The following DDX46 variants were observed in gnomAD, a reference collection of about 807,000 sequenced individuals.
The protein encoded by DDX46 is probable ATP-dependent RNA helicase DDX46.
Under a neutral mutation model 134.9 loss-of-function variants are expected in DDX46, and 30 were observed. The observed-to-expected ratio is 0.22, with a 90% CI of 0.17 to 0.30. The LOEUF is 0.30. DDX46 is among the 10% of genes least tolerant of loss of function. DDX46 has a pLI of 1.00. For missense variants in DDX46, 622 were observed against 1,248.7 expected (o/e 0.50, Z 7.56); for synonymous variants, 415 against 404.1 (o/e 1.03, Z -0.32).
intron 8 of DDX46, 101 bp downstream of exon 8, chr5:134,782,187 G>A (rs1754175224): frequency 8.2e-7 from 1 of 1,218,366 alleles, no homozygotes; most frequent in African/African-American, 1.6e-5. Flanking sequence ...GAAGGAGGGT[G>A]TTTTGGAAAT....
chr5:134,806,371 T>G (rs188635479), intron 15 of DDX46, among the ~76,000 whole-genome samples: 1 of 152,288 alleles, frequency 6.6e-6, no homozygotes, highest in East Asian at 1.9e-4. Flanking sequence ...TTGGGGTTAT[T>G]TTAAAAAGGA....
At chr5:134,790,579 T>G in intron 13 of DDX46, 27 bp downstream of exon 13, 1 of 1,576,204 alleles carries the variant, frequency 6.3e-7, no homozygotes, top group Non-Finnish European at 8.7e-7. Context: ...TTAAGTGTTT[T>G]GAAATGTAAA....
intron 4 of DDX46, among the ~76,000 whole-genome samples, chr5:134,771,942 G>A (rs1348486886): frequency 1.3e-5 from 2 of 151,944 alleles, no homozygotes; most frequent in African/African-American, 2.4e-5. Flanking sequence ...TATAAATTTC[G>A]ACTTAAGGCT....
In DDX46 at chr5:134,794,830, T is replaced by C. The variant is rs1415812878; in HGVS notation, c.1627-20T>C. On this transcript the variant is annotated intron_variant, in intron 13 of 22. Coordinates refer to ENST00000452510, the MANE Select transcript of DDX46 (RefSeq NM_001300860.2). ...AGACCATATTTACCATATTTATTTG[T>C]AATGTTTTCTTTTTCTCAGGTCATG... The C allele has an allele frequency of 6.2e-7, 1 of 1,612,302 alleles. No individual in the cohort carries two copies. The highest frequency in any genetic ancestry group is 8.5e-7 in the Non-Finnish European group (1 of 1,179,276).
chr5:134,768,902 T>TA (rs1753667851), intron 3 of DDX46, among the ~76,000 whole-genome samples: 2 of 151,914 alleles, frequency 1.3e-5, no homozygotes, highest in South Asian at 4.2e-4. Flanking sequence ...TTACTAAAAG[T>TA]AAAAAATTAG....
intron 16 of DDX46, among the ~76,000 whole-genome samples, chr5:134,810,321 T>G (rs932890070): frequency 6.6e-6 from 1 of 151,718 alleles, no homozygotes; most frequent in African/African-American, 2.4e-5. Context: ...AATTGTGCAT[T>G]TGTGTAAAAT....
intron 1 of DDX46, among the ~76,000 whole-genome samples, chr5:134,759,545 T>C (rs550611201): frequency 1.3e-5 from 2 of 152,226 alleles, no homozygotes; most frequent in Non-Finnish European, 2.9e-5. Flanking sequence ...AGTTGTGGAC[T>C]ATGAGCTCTT....
In DDX46 at chr5:134,817,857, T is replaced by A. The variant is rs1755322566; in HGVS notation, c.2832+143T>A. 5 of 692,106 alleles carry A rather than the reference T, an allele frequency of 7.2e-6. No individual in the cohort carries two copies. The Admixed American group carries it at 1.5e-4, about 21-fold the overall frequency. 42.9% of individuals were successfully genotyped at this position (692,106 alleles called of 1,614,324 possible). ...GAGGATATAACAATAGAAATTTGAT[T>A]TTTATGAGTATGTTCAAGGTACATT... On this transcript the variant is annotated intron_variant, in intron 20 of 22. Coordinates refer to ENST00000452510, the MANE Select transcript of DDX46 (RefSeq NM_001300860.2).
chr5:134,769,604 A>G (rs1255298169), intron 3 of DDX46, among the ~76,000 whole-genome samples: 1 of 148,162 alleles, frequency 6.7e-6, no homozygotes, highest in Non-Finnish European at 1.5e-5. Context: ...GCAATGGTGC[A>G]ATCTCGGCTC....
In DDX46 at chr5:134,811,376, G is replaced by A; in HGVS notation, c.2286+18G>A. ...AGAAAGCTGTGAGTTTTTAACCCAT[G>A]TTACTCTTCTAGAAATCATTAATGT... is the stretch of plus-strand genomic sequence containing the variant. On this transcript the variant is annotated intron_variant, in intron 17 of 22. Coordinates refer to ENST00000452510, the MANE Select transcript of DDX46 (RefSeq NM_001300860.2). The A allele has an allele frequency of 6.2e-7, 1 of 1,611,520 alleles. No individual in the cohort carries two copies. The highest frequency in any genetic ancestry group is 8.5e-7 in the Non-Finnish European group (1 of 1,178,926).
rs1289606985 is a variant in DDX46, at chr5:134,766,989, A to T, written c.279A>T (p.Ser93=). ...RRSRSRDRRR[S]RSRSRGRRSR... ...CTCGAAGTAGAGACAGGAGACGCTC[A>T]AGGAGTAGAAGCCGGGGCCGGCGAT... The change falls in exon 3 of 23, where the codon TCA becomes TCT. Residue 93 remains serine, a synonymous_variant. Transcript: ENST00000452510. 2.5e-6 allele frequency: 4 copies of T among 1,614,202 alleles called. No individual in the cohort carries two copies. The highest frequency in any genetic ancestry group is 3.4e-6 in the Non-Finnish European group (4 of 1,180,026).
chr5:134,778,717 G>A (rs1034006838), intron 6 of DDX46, among the ~76,000 whole-genome samples: 6 of 151,982 alleles, frequency 3.9e-5, no homozygotes, highest in Non-Finnish European at 7.4e-5. Context: ...GGGATTACAG[G>A]CGCCTGCCAC....
chr5:134,773,741 GAA>G lies in DDX46; in HGVS notation c.495_496del (p.Arg166SerfsTer10). On this transcript the variant is annotated frameshift_variant, in exon 5 of 23. Coordinates refer to ENST00000452510, the MANE Select transcript of DDX46 (RefSeq NM_001300860.2). LOFTEE classifies it high-confidence loss of function. ...GGAAGAAGAAATGAGAAAGCGAAAA[GAA>G]AGAGTAGAAAAATGGCGAGAAGAGC... ...KLEEEMRKRK[E>X]RVEKWREEQR... 1 of 1,610,242 alleles carries G rather than the reference GAA, an allele frequency of 6.2e-7. No individual in the cohort carries two copies. The highest frequency in any genetic ancestry group is 8.5e-7 in the Non-Finnish European group (1 of 1,177,916).
At chr5:134,798,171 C>T (rs1754724238) in intron 15 of DDX46, among the ~76,000 whole-genome samples, 1 of 149,460 alleles carries the variant, frequency 6.7e-6, no homozygotes, top group Non-Finnish European at 1.5e-5. Flanking sequence ...CCGCCCCCCA[C>T]CGTTTTTTTT....
chr5:134,803,096 C>T (rs796209992), intron 15 of DDX46, among the ~76,000 whole-genome samples: 4 of 152,076 alleles, frequency 2.6e-5, no homozygotes, highest in East Asian at 1.9e-4. Context: ...CAGGTTCAGG[C>T]GATTTTCCTG....
In DDX46 at chr5:134,818,778, G is replaced by A. The variant is rs1183053106; in HGVS notation, c.2833-82G>A. 4 of 1,217,216 alleles carry A rather than the reference G, an allele frequency of 3.3e-6. No homozygotes were observed. The East Asian group carries it at 1.0e-4, about 31-fold the overall frequency. 75.4% of individuals were successfully genotyped at this position (1,217,216 alleles called of 1,614,324 possible). ...AGAGACCAACCATAATATGATATCA[G>A]CCAGCCTAGTCTTTGTCAGCACTCC... On this transcript the variant is annotated intron_variant, in intron 20 of 22. Coordinates refer to ENST00000452510, the MANE Select transcript of DDX46 (RefSeq NM_001300860.2).
chr5:134,760,531 G>T (rs936795327), intron 1 of DDX46, among the ~76,000 whole-genome samples: 1 of 152,174 alleles, frequency 6.6e-6, no homozygotes, highest in African/African-American at 2.4e-5. Context: ...AGTAAAAAGT[G>T]TGTAATAGAA....
At chr5:134,806,763 A>C (rs551965286) in intron 15 of DDX46, among the ~76,000 whole-genome samples, 17 of 152,268 alleles carry the variant, frequency 1.1e-4, no homozygotes, top group African/African-American at 3.1e-4. Flanking sequence ...ATGAGTTTTA[A>C]GTTTTGAGAG....
At chr5:134,820,234 T>C (rs1451042702) in intron 21 of DDX46, among the ~76,000 whole-genome samples, 1 of 152,256 alleles carries the variant, frequency 6.6e-6, no homozygotes, top group African/African-American at 2.4e-5. Flanking sequence ...TTATTTATAT[T>C]TAACATCTTT....
Sources: allele counts gnomAD v4.1 joint callset (sites outside exome capture counted in the v4.1 genomes callset), GRCh38; gene constraint gnomAD v4.1.1; transcripts MANE v1.5; gene names NCBI Gene and HGNC (gene_info 2026-07-23, HGNC 2026-07-21).